TMC5: variants seen among roughly 807,000 people sequenced by gnomAD.
TMC5 encodes transmembrane channel-like protein 5.
Under a neutral mutation model 110.5 loss-of-function variants are expected in TMC5, and 86 were observed. That is an observed-to-expected ratio of 0.78 (90% CI 0.65 to 0.93). The LOEUF is 0.93. Ranked by LOEUF, TMC5 falls within the 40% of genes least tolerant of loss-of-function variation. The pLI, the probability that TMC5 is intolerant of heterozygous loss-of-function variation, is 0.00. For missense variants in TMC5, 1,144 were observed against 1,222.8 expected (o/e 0.94, Z 0.96); for synonymous variants, 455 against 439.5 (o/e 1.04, Z -0.44).
At chr16:19,482,545 A>G (rs1441356506) in intron 15 of TMC5, among the ~76,000 whole-genome samples, 2 of 152,188 alleles carry the variant, frequency 1.3e-5, no homozygotes, top group African/African-American at 2.4e-5. Flanking sequence ...GTTTGTCACA[A>G]TCTCCACCTT....
intron 1 of TMC5, among the ~76,000 whole-genome samples, chr16:19,427,994 TG>T (rs149261161): frequency 0.013 from 1,978 of 152,278 alleles, 46 homozygotes; most frequent in African/African-American, 0.044. Flanking sequence ...TCACCCACCT[TG>T]GGGACTGTCT....
intron 20 of TMC5, among the ~76,000 whole-genome samples, chr16:19,494,621 A>G (rs1324529340): frequency 2.0e-5 from 3 of 152,178 alleles, no homozygotes; most frequent in Non-Finnish European, 4.4e-5. Context: ...AGCCTGGCCA[A>G]TATGGTGAAA....
intron 1 of TMC5, among the ~76,000 whole-genome samples, chr16:19,418,686 T>G (rs1966911185): frequency 2.6e-5 from 4 of 152,000 alleles, no homozygotes; most frequent in Non-Finnish European, 5.9e-5. Context: ...CCTTCTCATT[T>G]TTCTCATCCT....
chr16:19,472,287 G>C, intron 11 of TMC5, 44 bp downstream of exon 11: 4 of 1,604,202 alleles, frequency 2.5e-6, no homozygotes, highest in Non-Finnish European at 3.4e-6. Context: ...CAGGTGAAGG[G>C]ATGAGATGCT....
chr16:19,414,661 C>A (rs920903579), upstream of TMC5, among the ~76,000 whole-genome samples: 6 of 152,154 alleles, frequency 3.9e-5, no homozygotes, highest in Admixed American at 2.6e-4. Context: ...AATCCCAGAA[C>A]CTTGGGAGGC....
intron 9 of TMC5, among the ~76,000 whole-genome samples, chr16:19,468,735 C>T (rs566804794): frequency 8.5e-5 from 13 of 152,178 alleles, no homozygotes; most frequent in Non-Finnish European, 1.6e-4. Context: ...AAAGAGGACA[C>T]CCTCTAGAAG....
At chr16:19,453,776 A>C (rs1295498569) in intron 5 of TMC5, among the ~76,000 whole-genome samples, 1 of 152,110 alleles carries the variant, frequency 6.6e-6, no homozygotes, top group Non-Finnish European at 1.5e-5. Flanking sequence ...TAAAAAAGGA[A>C]AGAAAGAAAA....
intron 5 of TMC5, chr16:19,456,818 GAC>G (rs1424294597): frequency 1.2e-6 from 2 of 1,614,082 alleles, no homozygotes; most frequent in African/African-American, 2.7e-5. Context: ...GGTGCTGCTA[GAC>G]TCAAGCATCA....
intron 18 of TMC5, among the ~76,000 whole-genome samples, 172 bp downstream of exon 18, chr16:19,490,740 TTCCTTCCTTCC>T (rs1968869061): frequency 9.9e-6 from 1 of 100,804 alleles, no homozygotes; most frequent in Non-Finnish European, 2.4e-5. Context: ...CCTTCCTTCC[TTCCTTCCTTCC>T]TTCCTTCCTT....
At chr16:19,477,585 G>T in intron 13 of TMC5, 67 bp downstream of exon 13, 1 of 1,094,334 alleles carries the variant, frequency 9.1e-7, no homozygotes, top group Non-Finnish European at 1.3e-6. Flanking sequence ...GAGGACAGGG[G>T]TTTCTCAAGA....
In TMC5 at chr16:19,463,918, A is replaced by G. The variant is rs943104721; in HGVS notation, c.1379A>G (p.Asn460Ser). 6.2e-7 allele frequency: 1 copy of G among 1,614,194 alleles called. No homozygotes were observed. The highest frequency in any genetic ancestry group is 8.5e-7 in the Non-Finnish European group (1 of 1,180,038). Reference protein sequence around the residue: ...FNFLRWLLKFNIFSFILNFSF... With the variant: ...FNFLRWLLKFSIFSFILNFSF... ...TTTCTGAGATGGCTTTTGAAGTTCAACATTTTCTCATTCATCCTGAACTTC... is the reference window on the plus strand; with the variant it reads ...TTTCTGAGATGGCTTTTGAAGTTCAGCATTTTCTCATTCATCCTGAACTTC... The change falls in exon 8 of 22, where the codon AAC becomes AGC. Residue 460 changes from asparagine (N) to serine (S), a missense_variant. Coordinates refer to ENST00000542583, the MANE Select transcript of TMC5 (RefSeq NM_001261841.2).
chr16:19,458,221 T>A (rs76702599), intron 5 of TMC5, among the ~76,000 whole-genome samples: 10,834 of 152,010 alleles, frequency 0.071, 798 homozygotes, highest in African/African-American at 0.19. Flanking sequence ...ATTTAATGTA[T>A]TTATTTGAGA....
At chr16:19,448,763 CAT>C (rs1249212456) in intron 4 of TMC5, among the ~76,000 whole-genome samples, 107 of 137,416 alleles carry the variant, frequency 7.8e-4, no homozygotes, top group South Asian at 3.6e-3. Flanking sequence ...TTACATGTAA[CAT>C]ATAAAAATAA....
At chr16:19,479,745 T>C (rs971050170) in intron 14 of TMC5, among the ~76,000 whole-genome samples, 3 of 152,130 alleles carry the variant, frequency 2.0e-5, no homozygotes, top group Non-Finnish European at 4.4e-5. Context: ...CAGTTGACCT[T>C]TTACAACCTT....
intron 10 of TMC5, 85 bp from the exon 11 acceptor site, chr16:19,472,003 C>A (rs995748724): frequency 6.6e-5 from 92 of 1,397,766 alleles, no homozygotes; most frequent in African/African-American, 2.3e-4. Flanking sequence ...TCAAGTGATC[C>A]ACCCGCCTTG....
Position 19,490,472 on chromosome 16 carries a change from C to G in TMC5, c.2651C>G (p.Thr884Ser), listed in dbSNP as rs1452155282. ...CACTCCATCTACAGCTGGATCGACA[C>G]CCTAAGTACACGGCCTGGCTACCTG... ...FIHSIYSWIDTLSTRPGYLWV... is the reference protein window; with the variant it reads ...FIHSIYSWIDSLSTRPGYLWV... Residue 884 changes from threonine to serine, a missense_variant, in exon 18 of 22, where the codon ACC (threonine) becomes AGC (serine). Thr to Ser is a moderately conservative substitution (Grantham distance 58, BLOSUM62 1). Coordinates refer to ENST00000542583, the MANE Select transcript of TMC5 (RefSeq NM_001261841.2). The G allele has an allele frequency of 6.2e-7, 1 of 1,614,114 alleles. No individual in the cohort carries two copies.
chr16:19,441,174 A>G (rs1163765188), intron 3 of TMC5, among the ~76,000 whole-genome samples: 1 of 152,220 alleles, frequency 6.6e-6, no homozygotes, highest in African/African-American at 2.4e-5. Context: ...TCATAAATCC[A>G]AACACTTTAA....
At chr16:19,476,808 G>T (rs1018125668) in intron 12 of TMC5, 1 of 153,482 alleles carries the variant, frequency 6.5e-6, no homozygotes, top group African/African-American at 2.4e-5. Context: ...GTGTGGATTA[G>T]CAGGAGGGAC....
intron 18 of TMC5, 75 bp downstream of exon 18, chr16:19,490,643 T>C (rs780076308): frequency 4.0e-6 from 6 of 1,495,890 alleles, no homozygotes; most frequent in Non-Finnish European, 5.6e-6. Flanking sequence ...GGATGTTTGG[T>C]TGGAAAGCAA....
Sources: gnomAD v4.1 joint callset for allele counts (sites outside exome capture counted in the v4.1 genomes callset) on GRCh38, gnomAD v4.1.1 for gene constraint, MANE v1.5 for transcripts, NCBI Gene and HGNC (gene_info 2026-07-23, HGNC 2026-07-21) for gene names.